Variants in ANKS1B observed in about 807,000 individuals in gnomAD.
ANKS1B encodes ankyrin repeat and sterile alpha motif domain-containing protein 1B.
ANKS1B carries 36 observed loss-of-function variants against 148.3 expected under a neutral mutation model. That is an observed-to-expected ratio of 0.24 (90% CI 0.19 to 0.32). The LOEUF (loss-of-function observed/expected upper bound fraction) is 0.32, where lower values mean the gene tolerates loss of function less well. Among genes scored for constraint, ANKS1B ranks in the 10% least tolerant of loss-of-function variants. The pLI, the probability that ANKS1B is intolerant of heterozygous loss-of-function variation, is 1.00. For synonymous variants in ANKS1B, 542 were observed against 560.8 expected, an observed-to-expected ratio of 0.97 and a Z score of 0.47; for missense variants, 1,157 against 1,542.6, an observed-to-expected ratio of 0.75 and a Z score of 4.19.
At chr12:99,527,951 C>T (rs2153080670) in intron 9 of ANKS1B, among the ~76,000 whole-genome samples, 1 of 151,168 alleles carries the variant, frequency 6.6e-6, no homozygotes, top group Non-Finnish European at 1.5e-5. Context: ...GGAAGCATCA[C>T]ATTACCTGAC....
At position 99,458,761 on chromosome 12, in the gene ANKS1B, G is replaced by A. The variant is rs1007370659; in HGVS notation, c.1439-14952C>T. 5.9e-5 allele frequency among the ~76,000 whole-genome samples: 9 copies of A among 151,598 alleles called. No individual in the cohort carries two copies. The South Asian group carries it at 1.5e-3, about 25-fold the overall frequency. On this transcript the variant is annotated intron_variant, in intron 10 of 26. Transcript: ENST00000683438. ...CAACAACAAGCAGCAAGATTGAAAT[G>A]GTAATTAAAAAGTTACCGAGAAAAA...
chr12:99,189,869 G>C (rs138184056), intron 14 of ANKS1B, among the ~76,000 whole-genome samples: 22 of 152,036 alleles, frequency 1.4e-4, no homozygotes, highest in Admixed American at 1.0e-3. Context: ...AGAAATAAAG[G>C]GTATTCAAAT....
At chr12:99,528,755 A>T (rs1567281342) in intron 9 of ANKS1B, among the ~76,000 whole-genome samples, 1 of 149,418 alleles carries the variant, frequency 6.7e-6, no homozygotes, top group Non-Finnish European at 1.5e-5. Flanking sequence ...TGATATGTTA[A>T]GCTAAAACAA....
At chr12:99,229,157 T>C (rs1157807301) in intron 14 of ANKS1B, among the ~76,000 whole-genome samples, 1 of 151,930 alleles carries the variant, frequency 6.6e-6, no homozygotes, top group African/African-American at 2.4e-5. Flanking sequence ...TTTTTTTGCA[T>C]GTATGTGTAT....
At chr12:99,888,143 T>G (rs937427984) in intron 1 of ANKS1B, among the ~76,000 whole-genome samples, 1 of 152,176 alleles carries the variant, frequency 6.6e-6, no homozygotes, top group African/African-American at 2.4e-5. Flanking sequence ...TCCACAAATA[T>G]TAATGACTGT....
intron 14 of ANKS1B, among the ~76,000 whole-genome samples, chr12:99,169,231 A>G (rs749390194): frequency 1.3e-5 from 2 of 152,180 alleles, no homozygotes; most frequent in Non-Finnish European, 2.9e-5. Flanking sequence ...ATTAAAACTT[A>G]GAGACATGAC....
intron 9 of ANKS1B, among the ~76,000 whole-genome samples, chr12:99,652,690 A>T (rs1307284242): frequency 6.6e-6 from 1 of 152,190 alleles, no homozygotes; most frequent in African/African-American, 2.4e-5. Flanking sequence ...CAATCAAGTC[A>T]GCTGCTAGTT....
intron 9 of ANKS1B, among the ~76,000 whole-genome samples, chr12:99,604,794 G>A (rs1444787894): frequency 7.6e-6 from 1 of 130,844 alleles, no homozygotes; most frequent in Non-Finnish European, 1.6e-5. Flanking sequence ...CAGCCTGGGC[G>A]ACAAGGGCAA....
At chr12:99,324,331 G>C (rs1457876412) in intron 12 of ANKS1B, among the ~76,000 whole-genome samples, 1 of 152,062 alleles carries the variant, frequency 6.6e-6, no homozygotes, top group Non-Finnish European at 1.5e-5. Context: ...GAGAAGTTAA[G>C]GCTTTATAAA....
intron 9 of ANKS1B, chr12:99,649,406 A>AT: frequency 6.2e-7 from 1 of 1,600,664 alleles, no homozygotes; most frequent in Non-Finnish European, 8.6e-7. Context: ...TGAATCCAAC[A>AT]TACCTCCCAC....
chr12:99,434,713 C>G (rs2095431807), intron 11 of ANKS1B, among the ~76,000 whole-genome samples: 1 of 151,934 alleles, frequency 6.6e-6, no homozygotes, highest in Non-Finnish European at 1.5e-5. Flanking sequence ...AATGTCTAAA[C>G]TCAATTTTCT....
At chr12:99,154,952 C>T in intron 14 of ANKS1B, 1 of 1,535,424 alleles carries the variant, frequency 6.5e-7, no homozygotes. Flanking sequence ...CCTGCTGCTG[C>T]TGCTTCCTCC....
intron 17 of ANKS1B, among the ~76,000 whole-genome samples, chr12:98,836,957 T>C (rs1365575590): frequency 6.6e-6 from 1 of 152,126 alleles, no homozygotes; most frequent in African/African-American, 2.4e-5. Flanking sequence ...AATAACTACA[T>C]TATCACACCA....
chr12:99,584,844 A>G (rs2097612311), intron 9 of ANKS1B, among the ~76,000 whole-genome samples: 1 of 152,082 alleles, frequency 6.6e-6, no homozygotes, highest in Non-Finnish European at 1.5e-5. Flanking sequence ...AGAATGGCAC[A>G]GGAAAAACCT....
chr12:99,811,638 G>A (rs1194560724), intron 3 of ANKS1B, among the ~76,000 whole-genome samples: 1 of 151,764 alleles, frequency 6.6e-6, no homozygotes, highest in Non-Finnish European at 1.5e-5. Context: ...CTGGGCATAT[G>A]TGTTTGTGTT....
In ANKS1B at chr12:99,984,131, C is replaced by A. The variant is rs753804747; in HGVS notation, c.107G>T (p.Gly36Val). The A allele has an allele frequency of 1.2e-6, 2 of 1,613,696 alleles. No homozygotes were observed. Among genetic ancestry groups the A allele is most frequent in the Non-Finnish European group, 1.7e-6 (2 of 1,179,716 alleles). Residue 36 changes from glycine to valine, a missense_variant, in exon 1 of 27, where the codon GGA (glycine) becomes GTA (valine). By Grantham distance (109) the Gly-to-Val change is moderately radical. This residue lies in a region of ANKS1B where 164 missense variants were observed against 232.6 expected (regional missense o/e 0.71). Coordinates refer to ENST00000683438, the MANE Select transcript of ANKS1B (RefSeq NM_001352186.2). Reference sequence around the variant, plus strand: ...TAGCAGATTAGACAGGGGCAGGGGTCCGGATCCACCGCCCAGGATCCCTCC... The same window carrying A: ...TAGCAGATTAGACAGGGGCAGGGGTACGGATCCACCGCCCAGGATCCCTCC... Reference protein sequence around the residue: ...RKGGILGGGSGPLPLSNLLSI... With the variant: ...RKGGILGGGSVPLPLSNLLSI...
chr12:99,546,765 G>C (rs573578639), intron 9 of ANKS1B, among the ~76,000 whole-genome samples: 1 of 152,114 alleles, frequency 6.6e-6, no homozygotes, highest in African/African-American at 2.4e-5. Context: ...GAATGGAAGG[G>C]AAAAATAGTT....
intron 20 of ANKS1B, among the ~76,000 whole-genome samples, chr12:98,803,609 G>A (rs2099024124): frequency 6.6e-6 from 1 of 152,142 alleles, no homozygotes; most frequent in Admixed American, 6.5e-5. Flanking sequence ...GTTCAGCAGA[G>A]GTAGACCTTG....
chr12:98,899,726 T>C (rs1176253722), intron 17 of ANKS1B, among the ~76,000 whole-genome samples: 1 of 152,202 alleles, frequency 6.6e-6, no homozygotes, highest in African/African-American at 2.4e-5. Context: ...CTGGTTCTGC[T>C]TCTCTGACTG....
Sources: allele counts gnomAD v4.1 joint callset (sites outside exome capture counted in the v4.1 genomes callset), GRCh38; gene constraint gnomAD v4.1.1; regional missense constraint gnomAD v4.1.1; transcripts MANE v1.5; gene names NCBI Gene and HGNC (gene_info 2026-07-23, HGNC 2026-07-21).